Variants in KCNH1 observed in about 807,000 individuals in gnomAD.
KCNH1 encodes potassium voltage-gated channel subfamily H member 1.
KCNH1 carries 27 observed loss-of-function variants against 69.2 expected under a neutral mutation model. That is an observed-to-expected ratio of 0.39 (90% CI 0.29 to 0.54). The LOEUF is 0.54. Among genes scored for constraint, KCNH1 ranks in the 20% least tolerant of loss-of-function variants. KCNH1 has a pLI of 0.68. For missense variants in KCNH1, 798 were observed against 1,261.6 expected, an observed-to-expected ratio of 0.63 and a Z score of 5.57; for synonymous variants, 456 against 487.7, an observed-to-expected ratio of 0.93 and a Z score of 0.86.
chr1:210,956,831 C>T lies in KCNH1; in HGVS notation c.1033-36762G>A, dbSNP rs928999933. 3.3e-5 allele frequency among the ~76,000 whole-genome samples: 5 copies of T among 152,124 alleles called. No homozygotes were observed. The East Asian group carries it at 9.6e-4, about 29-fold the overall frequency. The stretch of plus-strand genomic sequence containing the variant: ...CTTCTTTATTAGTCTTGCCAGCTGT[C>T]TATCAATTTTGTTGATCTTTTCAAA... On this transcript the variant is annotated intron_variant, in intron 6 of 10. Coordinates refer to ENST00000271751, the MANE Select transcript of KCNH1 (RefSeq NM_172362.3).
At chr1:210,877,579 C>G (rs1456632186) in intron 7 of KCNH1, among the ~76,000 whole-genome samples, 1 of 152,140 alleles carries the variant, frequency 6.6e-6, no homozygotes. Flanking sequence ...CTCTCAAAAT[C>G]TGCTCCCATT....
intron 9 of KCNH1, among the ~76,000 whole-genome samples, chr1:210,787,549 G>A (rs145895091): frequency 6.6e-6 from 1 of 152,294 alleles, no homozygotes; most frequent in Non-Finnish European, 1.5e-5. Flanking sequence ...GCATGCGTTT[G>A]AACAGAACAA....
intron 10 of KCNH1, among the ~76,000 whole-genome samples, chr1:210,700,110 C>T (rs542401879): frequency 6.6e-6 from 1 of 152,274 alleles, no homozygotes; most frequent in Admixed American, 6.5e-5. Flanking sequence ...AACCACCATG[C>T]AAGTCAGGAA....
chr1:211,010,597 A>T (rs1408013040), intron 6 of KCNH1, among the ~76,000 whole-genome samples: 1 of 151,966 alleles, frequency 6.6e-6, no homozygotes, highest in Non-Finnish European at 1.5e-5. Flanking sequence ...CTTCCTCCTC[A>T]CCAGACTAAA....
At position 210,775,264 on chromosome 1, in the gene KCNH1, C is replaced by T. The variant is rs1052165355; in HGVS notation, c.2112+84G>A. The T allele has an allele frequency of 5.1e-6, 6 of 1,181,320 alleles. No homozygotes were observed. The African/African-American group carries it at 9.2e-5, about 18-fold the overall frequency. The allele number at this position is 1,181,320 out of a possible 1,614,324, so 73.2% of individuals were successfully genotyped here. A position where few individuals can be genotyped will look rare whatever the true frequency, so the allele number is the denominator to read the frequency against. On this transcript the variant is annotated intron_variant, in intron 10 of 10. Transcript: ENST00000271751. ...CCAATTACTCTACTTAAATAAACAG[C>T]AAAGGGACTTTTCTGGTCACAGTGA...
At position 211,082,859 on chromosome 1, in the gene KCNH1, C is replaced by T. The variant is rs575925428; in HGVS notation, c.479G>A (p.Ser160Asn). Reference protein sequence around the residue: ...KFARLTRALTSSRGVLQQLAP... With the variant: ...KFARLTRALTNSRGVLQQLAP... ...CAGCTGCTGCAGGACACCCCTGCTG[C>T]TTGTCAGTGCTCTTGTCAGCCGAGC... Residue 160 changes from serine to asparagine, a missense_variant, in exon 5 of 11, where the codon AGC becomes AAC. By Grantham distance (46) the Ser-to-Asn change is conservative (BLOSUM62 1). Around this residue, in one of 4 missense-constraint regions of KCNH1, gnomAD observed 266 missense variants for 457.2 expected, o/e 0.58. Coordinates refer to ENST00000271751, the MANE Select transcript of KCNH1 (RefSeq NM_172362.3). The T allele has an allele frequency of 9.3e-6, 15 of 1,614,130 alleles. No individual in the cohort carries two copies. The highest frequency in any genetic ancestry group is 2.2e-5 in the East Asian group (1 of 44,882).
chr1:210,826,693 A>T (rs764822134), intron 7 of KCNH1, among the ~76,000 whole-genome samples: 6 of 152,234 alleles, frequency 3.9e-5, no homozygotes, highest in Non-Finnish European at 8.8e-5. Flanking sequence ...TCTCTCCATG[A>T]AATTATCTGC....
rs1558472980 is a variant in KCNH1 at position 210,795,962 on chromosome 1, A to ACACACACAC, written c.1915+1545_1915+1546insGTGTGTGTG. On this transcript the variant is annotated intron_variant, in intron 9 of 10. Transcript: ENST00000271751. ...ATGGTGAAACCCCATCTCTACTAAA[A>ACACACACAC]ACACACACACACACACACACACACA... is the stretch of plus-strand genomic sequence containing the variant. Among the ~76,000 whole-genome samples, 148 of 136,090 alleles carry ACACACACAC rather than the reference A, an allele frequency of 1.1e-3. 1 individual carries two copies. The highest frequency in any genetic ancestry group is 4.8e-3 in the East Asian group (21 of 4,402). The allele number at this position is 136,090 out of a possible 152,430, so 89.3% of individuals were successfully genotyped here.
intron 7 of KCNH1, among the ~76,000 whole-genome samples, chr1:210,853,964 A>AG (rs1558497975): frequency 6.6e-6 from 1 of 150,498 alleles, no homozygotes; most frequent in South Asian, 2.1e-4. Flanking sequence ...AAAAAAAAAA[A>AG]AAAAGAAACC....
chr1:210,690,285 ACTGT>A (rs1574183348), intron 10 of KCNH1, among the ~76,000 whole-genome samples: 1 of 152,136 alleles, frequency 6.6e-6, no homozygotes, highest in South Asian at 2.1e-4. Flanking sequence ...TTGAGCAACC[ACTGT>A]CTGAGAGCAC....
intron 3 of KCNH1, among the ~76,000 whole-genome samples, chr1:211,102,517 C>T (rs1424634170): frequency 6.6e-6 from 1 of 152,168 alleles, no homozygotes; most frequent in Non-Finnish European, 1.5e-5. Flanking sequence ...TTGGTAACAA[C>T]CCTCTTGGGC....
chr1:211,078,562 G>A (rs547425779), intron 5 of KCNH1, among the ~76,000 whole-genome samples: 1 of 152,260 alleles, frequency 6.6e-6, no homozygotes, highest in East Asian at 1.9e-4. Flanking sequence ...GATGTTCTTT[G>A]AAACCAATGA....
At chr1:210,936,121 C>T (rs1276106628) in intron 6 of KCNH1, among the ~76,000 whole-genome samples, 2 of 152,234 alleles carry the variant, frequency 1.3e-5, no homozygotes, top group East Asian at 3.8e-4. Context: ...ATAGTTCTGA[C>T]AGGCTTCCAG....
chr1:210,887,747 A>C (rs1485761571), intron 7 of KCNH1, among the ~76,000 whole-genome samples: 2 of 134,622 alleles, frequency 1.5e-5, no homozygotes, highest in Non-Finnish European at 3.2e-5. Context: ...AAAAAAAAGC[A>C]GGGGTGGCAA....
intron 10 of KCNH1, among the ~76,000 whole-genome samples, chr1:210,696,244 A>G (rs531620456): frequency 6.6e-6 from 1 of 152,212 alleles, no homozygotes; most frequent in East Asian, 1.9e-4. Flanking sequence ...TGCATGGAGC[A>G]CCCACTCACC....
chr1:210,981,372 CAAAAAAAA>C (rs10684074), intron 6 of KCNH1, among the ~76,000 whole-genome samples: 2 of 85,498 alleles, frequency 2.3e-5, no homozygotes, highest in African/African-American at 9.5e-5. Context: ...GTAACAACGA[CAAAAAAAA>C]AAAAAAAAAA....
At chr1:210,977,478 G>A (rs1446026821) in intron 6 of KCNH1, among the ~76,000 whole-genome samples, 1 of 150,946 alleles carries the variant, frequency 6.6e-6, no homozygotes, top group Admixed American at 6.6e-5. Flanking sequence ...TTGTCCAACA[G>A]TACCCCCATC....
intron 6 of KCNH1, among the ~76,000 whole-genome samples, chr1:211,002,845 ACCGGGGTGTCCTTGGAATT>A (rs1689213938): frequency 6.6e-6 from 1 of 152,154 alleles, no homozygotes; most frequent in Non-Finnish European, 1.5e-5. Context: ...CAAAGAGTCA[ACCGGGGTGTCCTTGGAATT>A]CCGGAGCAAA....
chr1:211,077,254 G>A lies in KCNH1; in HGVS notation c.558+5526C>T, dbSNP rs551626546. On this transcript the variant is annotated intron_variant, in intron 5 of 10. Coordinates refer to ENST00000271751, the MANE Select transcript of KCNH1 (RefSeq NM_172362.3). Reference sequence around the variant, plus strand: ...GCCAACATTCAAATTCAGGAAATACGGAGAACTCCACAGACACTCCTCGGA... The same window carrying A: ...GCCAACATTCAAATTCAGGAAATACAGAGAACTCCACAGACACTCCTCGGA... Among the ~76,000 whole-genome samples the A allele has an allele frequency of 5.9e-5, 9 of 152,052 alleles. No individual in the cohort carries two copies. The East Asian group carries it at 7.7e-4, about 13-fold the overall frequency.
Sources: gnomAD v4.1 joint callset for allele counts (sites outside exome capture counted in the v4.1 genomes callset) on GRCh38, gnomAD v4.1.1 for gene constraint, gnomAD v4.1.1 regional missense constraint, MANE v1.5 for transcripts, NCBI Gene and HGNC (gene_info 2026-07-23, HGNC 2026-07-21) for gene names.